SPATA13: variants seen among roughly 807,000 people sequenced by gnomAD.
SPATA13 encodes the protein spermatogenesis-associated protein 13.
SPATA13 carries 50 observed loss-of-function variants against 104.0 expected under a neutral mutation model. The observed-to-expected ratio is 0.48, with a 90% CI of 0.38 to 0.61. SPATA13 has a LOEUF of 0.61. Among genes scored for constraint, SPATA13 ranks in the 20% least tolerant of loss-of-function variants. The probability of loss-of-function intolerance (pLI) is 0.00; values close to 1 mark genes in which losing one functional copy is unlikely to be tolerated. For synonymous variants in SPATA13, 606 were observed against 667.5 expected (o/e 0.91, Z 1.42); for missense variants, 1,524 against 1,690.6 (o/e 0.90, Z 1.73).
chr13:24,081,973 A>G (rs559266369), intron 3 of SPATA13, among the ~76,000 whole-genome samples: 15 of 152,140 alleles, frequency 9.9e-5, no homozygotes, highest in African/African-American at 2.4e-4. Flanking sequence ...GGTCATATGC[A>G]TATCTATTTA....
intron 10 of SPATA13, among the ~76,000 whole-genome samples, chr13:24,296,826 G>C (rs1876816710): frequency 6.6e-6 from 1 of 151,964 alleles, no homozygotes; most frequent in South Asian, 2.1e-4. Context: ...AGAAAAGGAA[G>C]AAATTTCAGG....
At chr13:24,215,210 T>G (rs1217278785) in intron 1 of SPATA13, among the ~76,000 whole-genome samples, 4 of 152,240 alleles carry the variant, frequency 2.6e-5, no homozygotes, top group Non-Finnish European at 4.4e-5. Context: ...GTCACATGAC[T>G]GTCGTGCATG....
At chr13:24,006,719 C>A (rs181235867) in intron 2 of SPATA13, among the ~76,000 whole-genome samples, 1 of 152,172 alleles carries the variant, frequency 6.6e-6, no homozygotes, top group Non-Finnish European at 1.5e-5. Flanking sequence ...ATGAGGCCAG[C>A]CTACACATGG....
rs1195818504 is a variant in SPATA13, at chr13:24,161,277, G to T, written c.-112+345G>T. 6.6e-6 allele frequency among the ~76,000 whole-genome samples: 1 copy of T among 152,190 alleles called. No individual in the cohort carries two copies. Among genetic ancestry groups the T allele is most frequent in the Admixed American group, 6.5e-5 (1 of 15,286 alleles). On this transcript the variant is annotated intron_variant, in intron 1 of 12. Coordinates refer to ENST00000382108, the MANE Select transcript of SPATA13 (RefSeq NM_001166271.3). The surrounding 1 kb of genome is among the most constrained non-coding windows in gnomAD (Gnocchi z 4.5). ...TTCACCCGCGCTCCCAGCTCGCGGG[G>T]CCTGGCCTACAGGGGCGGCCGTGGG...
intron 8 of SPATA13, 120 bp downstream of exon 8, chr13:24,289,298 G>T: frequency 1.3e-6 from 1 of 786,782 alleles, no homozygotes; most frequent in Non-Finnish European, 2.0e-6. Flanking sequence ...ATCTTCCATA[G>T]AAAGGAGATG....
intron 3 of SPATA13, among the ~76,000 whole-genome samples, chr13:24,087,001 C>A (rs1048778538): frequency 1.3e-5 from 2 of 152,204 alleles, no homozygotes; most frequent in African/African-American, 4.8e-5. Context: ...GTATTAGGAA[C>A]GTTTTCTTTT....
chr13:24,224,877 GA>G (rs559724661), intron 2 of SPATA13: 29 of 456,074 alleles, frequency 6.4e-5, no homozygotes, highest in East Asian at 1.8e-4. Flanking sequence ...GATTCTGGGG[GA>G]AAAAAATAAG....
intron 3 of SPATA13, among the ~76,000 whole-genome samples, chr13:24,109,205 G>A (rs567071762): frequency 1.7e-4 from 26 of 152,194 alleles, no homozygotes; most frequent in African/African-American, 2.6e-4. Context: ...GAAAACATGC[G>A]GTGTTTGGTT....
In SPATA13 at chr13:24,161,743, C is replaced by T. The variant is rs1005600909; in HGVS notation, c.-112+811C>T. On this transcript the variant is annotated intron_variant, in intron 1 of 12. Transcript: ENST00000382108. This position sits in a 1 kb window ranked among gnomAD's most constrained non-coding sequence, Gnocchi z 4.5. The stretch of plus-strand genomic sequence containing the variant: ...AAAACCCTGTGGGTCATTTGCTTCC[C>T]AGCATTGCATAGGGATGTGGATAAA... Among the ~76,000 whole-genome samples, 2 of 152,188 alleles carry T rather than the reference C, an allele frequency of 1.3e-5. No individual in the cohort carries two copies. Among genetic ancestry groups the T allele is most frequent in the Admixed American group, 6.5e-5 (1 of 15,282 alleles).
At chr13:24,261,094 T>C (rs1054599808) in intron 4 of SPATA13, among the ~76,000 whole-genome samples, 1 of 152,170 alleles carries the variant, frequency 6.6e-6, no homozygotes, top group Non-Finnish European at 1.5e-5. Context: ...CCTGGGCAAC[T>C]GGGAGCCACT....
At chr13:23,989,757 G>A (rs77604897) in intron 2 of SPATA13, among the ~76,000 whole-genome samples, 2,877 of 152,230 alleles carry the variant, frequency 0.019, 88 homozygotes, top group African/African-American at 0.065. Context: ...AACCCCCAAT[G>A]TGATGGTATC....
chr13:24,190,146 ATAT>A lies in SPATA13; in HGVS notation c.-112+29215_-112+29217del, dbSNP rs1234749991. On this transcript the variant is annotated intron_variant, in intron 1 of 12. Transcript: ENST00000382108. ...ATAATAATATACAATATATATTATT[ATAT>A]AACATATATATAATATATATTATTA... Among the ~76,000 whole-genome samples, 2 of 11,344 alleles carry A rather than the reference ATAT, an allele frequency of 1.8e-4. 1 individual carries two copies. Among genetic ancestry groups the A allele is most frequent in the African/African-American group, 1.9e-4 (2 of 10,372 alleles). 7.4% of individuals were successfully genotyped at this position (11,344 alleles called of 152,430 possible).
chr13:24,162,489 G>A (rs745357295), intron 1 of SPATA13: 1 of 155,884 alleles, frequency 6.4e-6, no homozygotes, highest in Non-Finnish European at 1.5e-5. Context: ...TCAGAGGCGA[G>A]GAGTGGCAGC....
intron 3 of SPATA13, among the ~76,000 whole-genome samples, chr13:24,111,909 G>A (rs190321954): frequency 1.3e-5 from 2 of 152,282 alleles, no homozygotes; most frequent in Admixed American, 6.5e-5. Flanking sequence ...TTCCTTGTTT[G>A]ATGTTGGTAT....
At chr13:24,118,599 G>A (rs760706264) in intron 3 of SPATA13, among the ~76,000 whole-genome samples, 1 of 152,062 alleles carries the variant, frequency 6.6e-6, no homozygotes, top group Non-Finnish European at 1.5e-5. Flanking sequence ...TGACCCAGTG[G>A]GTCTGGGGTA....
chr13:24,122,570 C>A, intron 3 of SPATA13: 3 of 1,555,542 alleles, frequency 1.9e-6, no homozygotes, highest in Non-Finnish European at 2.7e-6. Flanking sequence ...GAGCGATGAC[C>A]TCTAACAATT....
In SPATA13 at chr13:24,278,860, C is replaced by T. The variant is rs1202189405; in HGVS notation, c.2165-5275C>T. The T allele has an allele frequency of 2.6e-6, 4 of 1,544,548 alleles. No homozygotes were observed. In the African/African-American group the frequency reaches 5.7e-5, roughly 22 times the overall value. The stretch of plus-strand genomic sequence containing the variant: ...ACCCCAAAGCCTTGCATGAAGTCCA[C>T]ATGCTGTTTTTCTTTCCTTCCTTCC... On this transcript the variant is annotated intron_variant, in intron 4 of 12. Transcript: ENST00000382108.
intron 3 of SPATA13, among the ~76,000 whole-genome samples, chr13:24,053,291 G>A (rs1878427370): frequency 6.6e-6 from 1 of 152,172 alleles, no homozygotes; most frequent in Admixed American, 6.5e-5. Context: ...AAAGGAATGT[G>A]TAATAGAATT....
chr13:23,989,721 C>T (rs964656197), intron 2 of SPATA13, among the ~76,000 whole-genome samples: 2 of 152,086 alleles, frequency 1.3e-5, no homozygotes, highest in Non-Finnish European at 2.9e-5. Context: ...AAGTTTGTGT[C>T]CCCCTAAAAT....
Sources: gnomAD v4.1 joint callset for allele counts (sites outside exome capture counted in the v4.1 genomes callset) on GRCh38, gnomAD v4.1.1 for gene constraint, Gnocchi (gnomAD v3.1) non-coding constraint, MANE v1.5 for transcripts, NCBI Gene and HGNC (gene_info 2026-07-23, HGNC 2026-07-21) for gene names.